Variants in SRL observed in about 807,000 individuals in gnomAD.
SRL encodes the protein sarcalumenin.
Under a neutral mutation model 39.5 loss-of-function variants are expected in SRL, and 23 were observed. The ratio of observed to expected loss-of-function variants is 0.58; its 90% confidence interval spans 0.42 to 0.82. The LOEUF is 0.82. Among genes scored for constraint, SRL ranks in the 40% least tolerant of loss-of-function variants. SRL has a pLI of 0.00. For missense variants in SRL, 592 were observed against 607.8 expected, an observed-to-expected ratio of 0.97 and a Z score of 0.27; for synonymous variants, 272 against 237.4, an observed-to-expected ratio of 1.15 and a Z score of -1.34.
intron 1 of SRL, among the ~76,000 whole-genome samples, chr16:4,228,536 C>A (rs907825335): frequency 1.3e-5 from 2 of 151,890 alleles, no homozygotes; most frequent in African/African-American, 4.8e-5. Flanking sequence ...GAGATCGAGA[C>A]CATCCTGGCT....
chr16:4,204,702 C>T (rs1051339571), intron 1 of SRL, 68 bp from the exon 2 acceptor site: 3 of 1,417,834 alleles, frequency 2.1e-6, no homozygotes, highest in African/African-American at 1.4e-5. Flanking sequence ...GGCCCCGGCA[C>T]AGCAGACGAG....
At chr16:4,237,964 G>C (rs936860833) in intron 1 of SRL, among the ~76,000 whole-genome samples, 2 of 152,142 alleles carry the variant, frequency 1.3e-5, no homozygotes, top group Admixed American at 6.5e-5. Flanking sequence ...ACGTGCAAGG[G>C]AGAAGACGCC....
At position 4,189,496 on chromosome 16, in the gene SRL, C is replaced by T. The variant is rs746311125; in HGVS notation, c.*2657G>A. 2 of 152,180 alleles carry T rather than the reference C, an allele frequency of 1.3e-5. No individual in the cohort carries two copies. Among genetic ancestry groups the T allele is most frequent in the Non-Finnish European group, 2.9e-5 (2 of 68,046 alleles). 9.4% of individuals were successfully genotyped at this position (152,180 alleles called of 1,614,324 possible). A position where few individuals can be genotyped will look rare whatever the true frequency, so the allele number is the denominator to read the frequency against. On this transcript the variant is annotated 3_prime_UTR_variant, in exon 6 of 6. Coordinates refer to ENST00000399609, the MANE Select transcript of SRL (RefSeq NM_001098814.2). ...ACTCCTCTTGGGGGAATCTCTGGATCATTAAGTTTCCCCCAGTTCCTAATC... is the reference window on the plus strand; with the variant it reads ...ACTCCTCTTGGGGGAATCTCTGGATTATTAAGTTTCCCCCAGTTCCTAATC...
chr16:4,205,578 G>A (rs1180470238), intron 1 of SRL, among the ~76,000 whole-genome samples: 1 of 151,646 alleles, frequency 6.6e-6, no homozygotes, highest in African/African-American at 2.4e-5. Flanking sequence ...TGGGGGGAGT[G>A]AGTTAGGTGA....
chr16:4,197,923 C>A lies in SRL; in HGVS notation c.260-8G>T. On this transcript the variant is annotated splice_region_variant and splice_polypyrimidine_tract_variant and intron_variant, in intron 3 of 5. Coordinates refer to ENST00000399609, the MANE Select transcript of SRL (RefSeq NM_001098814.2). The stretch of plus-strand genomic sequence containing the variant: ...TGGAGGTAATCTCTCCATCTGTGGG[C>A]AACAGGAAGTAGAAATGGAATAAAA... 1.3e-6 allele frequency: 2 copies of A among 1,576,112 alleles called. No homozygotes were observed. The highest frequency in any genetic ancestry group is 1.7e-6 in the Non-Finnish European group (2 of 1,145,420).
At chr16:4,213,763 G>C (rs1345371084) in intron 1 of SRL, among the ~76,000 whole-genome samples, 2 of 152,148 alleles carry the variant, frequency 1.3e-5, no homozygotes, top group Non-Finnish European at 2.9e-5. Flanking sequence ...GTCATCTCCT[G>C]CCCTCACGTA....
At chr16:4,220,922 G>C (rs1280312484) in intron 1 of SRL, among the ~76,000 whole-genome samples, 1 of 152,044 alleles carries the variant, frequency 6.6e-6, no homozygotes, top group African/African-American at 2.4e-5. Context: ...GGAGTTCTAG[G>C]CTGCAGTGAG....
At chr16:4,215,764 G>A (rs1340683775) in intron 1 of SRL, among the ~76,000 whole-genome samples, 2 of 152,156 alleles carry the variant, frequency 1.3e-5, no homozygotes, top group Admixed American at 6.5e-5. Flanking sequence ...TTGGGAGGCC[G>A]AGGTGAGAGG....
intron 1 of SRL, chr16:4,206,779 C>T (rs916091680): frequency 6.6e-6 from 3 of 456,770 alleles, no homozygotes; most frequent in Non-Finnish European, 1.3e-5. Flanking sequence ...TCCTCGGGCT[C>T]CTCTGCCTTC....
intron 3 of SRL, among the ~76,000 whole-genome samples, chr16:4,202,705 C>A (rs2141030784): frequency 6.6e-6 from 1 of 152,016 alleles, no homozygotes; most frequent in Admixed American, 6.6e-5. Context: ...TTTTGAAAAT[C>A]AATTTTGTAA....
intron 1 of SRL, among the ~76,000 whole-genome samples, chr16:4,212,488 C>T (rs770014937): frequency 6.6e-6 from 1 of 152,210 alleles, no homozygotes; most frequent in South Asian, 2.1e-4. Context: ...ACCTCCCTTG[C>T]TTCTTGCCGA....
intron 4 of SRL, 145 bp downstream of exon 4, chr16:4,197,654 C>A: frequency 1.5e-6 from 1 of 650,456 alleles, no homozygotes. Context: ...CTCAAACTGA[C>A]GGCCTCAAGT....
In SRL at chr16:4,213,878, A is replaced by T. The variant is rs140260726; in HGVS notation, c.62-9244T>A. On this transcript the variant is annotated intron_variant, in intron 1 of 5. Coordinates refer to ENST00000399609, the MANE Select transcript of SRL (RefSeq NM_001098814.2). ...AGGGTTGTTAACCTCTCTTGAAATG[A>T]GGAAACAAACACACGGAAGTCAAGT... 1.2e-3 allele frequency among the ~76,000 whole-genome samples: 189 copies of T among 152,316 alleles called. 3 individuals carry two copies. Among genetic ancestry groups the T allele is most frequent in the Admixed American group, 0.011 (165 of 15,294 alleles).
At chr16:4,213,413 T>TTC (rs2052418483) in intron 1 of SRL, among the ~76,000 whole-genome samples, 7 of 127,140 alleles carry the variant, frequency 5.5e-5, no homozygotes, top group Middle Eastern at 3.8e-3. Flanking sequence ...TCTTTTTTTT[T>TTC]TTTTTTTTTT....
chr16:4,207,470 A>C, intron 1 of SRL: 1 of 456,778 alleles, frequency 2.2e-6, no homozygotes, highest in Non-Finnish European at 4.4e-6. Flanking sequence ...GCTCCTCGCC[A>C]GGCCCAGGGC....
intron 1 of SRL, among the ~76,000 whole-genome samples, chr16:4,209,354 G>A (rs2052364686): frequency 6.6e-6 from 1 of 152,184 alleles, no homozygotes; most frequent in African/African-American, 2.4e-5. Context: ...CTGTTTATGG[G>A]GGACATTGCA....
chr16:4,208,187 C>T (rs769960202), intron 1 of SRL: 19 of 371,070 alleles, frequency 5.1e-5, no homozygotes, highest in Non-Finnish European at 7.4e-5. Flanking sequence ...ACCTAGCTCC[C>T]GTCTTCTGGG....
chr16:4,204,752 G>C, intron 1 of SRL, 118 bp from the exon 2 acceptor site: 1 of 793,868 alleles, frequency 1.3e-6, no homozygotes. Flanking sequence ...GTCTTGCCAA[G>C]TTACACTGGA....
Position 4,192,582 on chromosome 16 carries a change from G to A in SRL, c.993C>T (p.Ala331=), listed in dbSNP as rs2052081815. ...VIENRLENKI[A]FIRQHAIRVR... ...CCCGGATGGCGTGCTGGCGGATGAA[G>A]GCAATCTTGTTCTCCAGTCTGTTCT... The change falls in exon 6 of 6, where the codon GCC becomes GCT. Residue 331 remains alanine, a synonymous_variant. Coordinates refer to ENST00000399609, the MANE Select transcript of SRL (RefSeq NM_001098814.2). The surrounding 1 kb of genome is among the most constrained non-coding windows in gnomAD (Gnocchi z 4.0). 1 of 1,614,084 alleles carries A rather than the reference G, an allele frequency of 6.2e-7. No homozygotes were observed. Among genetic ancestry groups the A allele is most frequent in the Non-Finnish European group, 8.5e-7 (1 of 1,180,044 alleles).
Sources: gnomAD v4.1 joint callset for allele counts (sites outside exome capture counted in the v4.1 genomes callset) on GRCh38, gnomAD v4.1.1 for gene constraint, Gnocchi (gnomAD v3.1) non-coding constraint, MANE v1.5 for transcripts, NCBI Gene and HGNC (gene_info 2026-07-23, HGNC 2026-07-21) for gene names.